The following ANKRD36C variants were observed in gnomAD, a reference collection of about 807,000 sequenced individuals.
ANKRD36C encodes the protein ankyrin repeat domain 36C, also known as ankyrin repeat domain-containing protein 36C.
A neutral mutation model predicts 276.4 loss-of-function variants in ANKRD36C; 61 were observed. The observed-to-expected ratio is 0.22, with a 90% CI of 0.18 to 0.27. ANKRD36C has a LOEUF of 0.27. Ranked by LOEUF, ANKRD36C falls within the 10% of genes least tolerant of loss-of-function variation. The probability of loss-of-function intolerance (pLI) is 1.00; values close to 1 mark genes in which losing one functional copy is unlikely to be tolerated. For missense variants in ANKRD36C, 1,447 were observed against 2,032.3 expected, an observed-to-expected ratio of 0.71 and a Z score of 5.54; for synonymous variants, 483 against 680.1, an observed-to-expected ratio of 0.71 and a Z score of 4.51.
exon 28 of ANKRD36C, chr2:95,927,274 C>T (rs375513155): frequency 6.2e-7 from 1 of 1,610,078 alleles, no homozygotes; most frequent in Non-Finnish European, 8.5e-7. Flanking sequence ...GAATCTTTCT[C>T]ATCACTTGTA....
intron 10 of ANKRD36C, among the ~76,000 whole-genome samples, 174 bp downstream of exon 10, chr2:95,960,299 T>C (rs1310240249): frequency 1.3e-5 from 2 of 151,952 alleles, no homozygotes; most frequent in Non-Finnish European, 2.9e-5. Flanking sequence ...ACTCAGATCA[T>C]GGACAAAAAT....
intron 42 of ANKRD36C, among the ~76,000 whole-genome samples, chr2:95,911,901 C>T (rs755730550): frequency 2.0e-5 from 3 of 151,396 alleles, no homozygotes; most frequent in South Asian, 4.1e-4. Context: ...TACGATGTGA[C>T]GTCTGTAAAA....
intron 3 of ANKRD36C, 179 bp downstream of exon 3, chr2:95,986,572 T>A (rs1389417008): frequency 2.1e-5 from 17 of 814,774 alleles, no homozygotes; most frequent in Non-Finnish European, 2.9e-5. Flanking sequence ...CTGTTCCTTA[T>A]AATGCTTCTT....
At chr2:95,892,455 T>C (rs1452307339) in intron 44 of ANKRD36C, among the ~76,000 whole-genome samples, 3 of 151,534 alleles carry the variant, frequency 2.0e-5, no homozygotes, top group Non-Finnish European at 3.0e-5. Flanking sequence ...TATGGTGTAA[T>C]AATCTGCCTA....
chr2:95,897,681 G>T (rs1033714751), intron 44 of ANKRD36C, among the ~76,000 whole-genome samples: 5 of 142,856 alleles, frequency 3.5e-5, no homozygotes, highest in African/African-American at 1.0e-4. Context: ...TTTCAAACAT[G>T]GTATGATTTG....
intron 1 of ANKRD36C, among the ~76,000 whole-genome samples, chr2:95,988,119 C>G (rs1679069154): frequency 6.9e-6 from 1 of 144,212 alleles, no homozygotes; most frequent in Non-Finnish European, 1.5e-5. Context: ...ATATAATTGG[C>G]ACCTAAATAA....
intron 44 of ANKRD36C, among the ~76,000 whole-genome samples, 172 bp downstream of exon 64, chr2:95,893,361 T>C (rs1172560056): frequency 6.6e-6 from 1 of 151,232 alleles, no homozygotes; most frequent in East Asian, 2.0e-4. Flanking sequence ...GCCAAGGTCA[T>C]GTTCCAGACC....
At chr2:95,890,751 T>A (rs529986171) in intron 46 of ANKRD36C, among the ~76,000 whole-genome samples, 2 of 151,538 alleles carry the variant, frequency 1.3e-5, no homozygotes, top group African/African-American at 4.8e-5. Flanking sequence ...TATTAATCAG[T>A]TTTTCATTCA....
At chr2:95,916,170 C>T (rs1337067023) in exon 37 of ANKRD36C, 9 of 1,604,626 alleles carry the variant, frequency 5.6e-6, no homozygotes, top group Non-Finnish European at 1.7e-6. Flanking sequence ...TCCGAGAAGA[C>T]ACTGAAAAGC....
chr2:95,902,453 C>T (rs1011878490), intron 42 of ANKRD36C, among the ~76,000 whole-genome samples: 2 of 149,738 alleles, frequency 1.3e-5, no homozygotes, highest in African/African-American at 5.0e-5. Flanking sequence ...AAAATAGTTG[C>T]TACACCAGGG....
chr2:95,987,574 A>C (rs1188445497), intron 1 of ANKRD36C, among the ~76,000 whole-genome samples: 1 of 151,050 alleles, frequency 6.6e-6, no homozygotes, highest in Non-Finnish European at 1.5e-5. Flanking sequence ...ATAACAGCTC[A>C]ATAATTTTTA....
At chr2:95,850,177 A>C (rs1473251885), downstream of ANKRD36C, among the ~76,000 whole-genome samples, 3 of 152,296 alleles carry the variant, frequency 2.0e-5, no homozygotes, top group African/African-American at 7.2e-5. Context: ...CATGGCAGTT[A>C]AGTATCAGAG....
chr2:95,935,849 G>T (rs1317130664), intron 22 of ANKRD36C, among the ~76,000 whole-genome samples: 7 of 151,304 alleles, frequency 4.6e-5, no homozygotes, highest in Admixed American at 2.0e-4. Flanking sequence ...GCCCATGGTA[G>T]AACGCTATGG....
At chr2:95,853,687 G>A (rs776795948) in intron 64 of ANKRD36C, 22 bp downstream of exon 84, 1 of 1,562,028 alleles carries the variant, frequency 6.4e-7, no homozygotes, top group Non-Finnish European at 8.7e-7. Context: ...ACAGTTGTTG[G>A]TGTGCAAAGT....
intron 6 of ANKRD36C, among the ~76,000 whole-genome samples, chr2:95,975,484 A>G (rs1433015106): frequency 6.6e-6 from 1 of 152,220 alleles, no homozygotes; most frequent in Non-Finnish European, 1.5e-5. Flanking sequence ...CATGTCTACA[A>G]CTATCGATCT....
intron 5 of ANKRD36C, among the ~76,000 whole-genome samples, chr2:95,979,158 T>C (rs1454635892): frequency 6.6e-6 from 1 of 152,094 alleles, no homozygotes; most frequent in Non-Finnish European, 1.5e-5. Context: ...TCTCAGTTTA[T>C]AGATCACCTT....
At chr2:95,902,452 G>T (rs1573752268) in intron 42 of ANKRD36C, among the ~76,000 whole-genome samples, 1 of 149,674 alleles carries the variant, frequency 6.7e-6, no homozygotes, top group African/African-American at 2.5e-5. Context: ...GAAAATAGTT[G>T]CTACACCAGG....
At chr2:95,960,947 C>T (rs916352501) in intron 8 of ANKRD36C, among the ~76,000 whole-genome samples, 5 of 151,918 alleles carry the variant, frequency 3.3e-5, no homozygotes, top group Non-Finnish European at 5.9e-5. Context: ...GTGGATATGC[C>T]GAGTGATGAG....
intron 42 of ANKRD36C, among the ~76,000 whole-genome samples, chr2:95,909,175 G>A (rs1309485441): frequency 8.8e-6 from 1 of 113,422 alleles, no homozygotes; most frequent in African/African-American, 3.4e-5. Context: ...CGACAATTCA[G>A]TTGAATGTAC....
Sources: gnomAD v4.1 joint callset for allele counts (sites outside exome capture counted in the v4.1 genomes callset) on GRCh38, gnomAD v4.1.1 for gene constraint, MANE v1.5 for transcripts, NCBI Gene and HGNC (gene_info 2026-07-23, HGNC 2026-07-21) for gene names.